Variants in CRYM observed in about 807,000 individuals in gnomAD.
CRYM encodes crystallin mu.
A neutral mutation model predicts 32.9 loss-of-function variants in CRYM; 18 were observed. The ratio of observed to expected loss-of-function variants is 0.55; its 90% CI spans 0.38 to 0.81. The LOEUF is 0.81. Ranked by LOEUF, CRYM falls within the 30% of genes least tolerant of loss-of-function variation. The pLI, the probability that CRYM is intolerant of heterozygous loss-of-function variation, is 0.00. For missense variants in CRYM, 337 were observed against 393.5 expected (o/e 0.86, Z 1.21); for synonymous variants, 153 against 152.4 (o/e 1.00, Z -0.03).
intron 5 of CRYM, among the ~76,000 whole-genome samples, chr16:21,267,029 T>C (rs563058713): frequency 6.6e-6 from 1 of 152,044 alleles, no homozygotes; most frequent in African/African-American, 2.4e-5. Context: ...AAAACTTACA[T>C]TTTATAGAAC....
At chr16:21,285,825 C>T (rs897359619) in intron 1 of CRYM, among the ~76,000 whole-genome samples, 22 of 151,728 alleles carry the variant, frequency 1.4e-4, no homozygotes, top group African/African-American at 5.1e-4. Context: ...ATGAATAGCT[C>T]AAAAGAAAAA....
upstream of CRYM, among the ~76,000 whole-genome samples, chr16:21,279,453 A>G (rs1450599579): frequency 6.6e-6 from 1 of 152,204 alleles, no homozygotes; most frequent in Non-Finnish European, 1.5e-5. Flanking sequence ...CCTGAGGTGG[A>G]AGGCATGTTG....
Position 21,261,249 on chromosome 16 carries a change from C to T in CRYM, c.880+5G>A. On this transcript the variant is annotated splice_donor_5th_base_variant and intron_variant, in intron 7 of 7. Coordinates refer to ENST00000572914, the MANE Select transcript of CRYM (RefSeq NM_001376256.1). ...GATTTGTGCCCAGGGAGCAATGGATCTTACCCAAAGACTTGAACACGGTGG... is the reference window on the plus strand; with the variant it reads ...GATTTGTGCCCAGGGAGCAATGGATTTTACCCAAAGACTTGAACACGGTGG... 1 of 1,612,232 alleles carries T rather than the reference C, an allele frequency of 6.2e-7. No homozygotes were observed. Among genetic ancestry groups the T allele is most frequent in the South Asian group, 1.1e-5 (1 of 91,026 alleles).
intron 1 of CRYM, chr16:21,283,809 C>G (rs1041940442): frequency 2.0e-5 from 3 of 152,484 alleles, no homozygotes; most frequent in African/African-American, 7.2e-5. Context: ...CGGTTCCCCA[C>G]CTCCTGGTGT....
chr16:21,261,884 G>C lies in CRYM; in HGVS notation c.795+153C>G, dbSNP rs2093355157. The C allele has an allele frequency of 5.6e-5, 46 of 825,938 alleles. No individual in the cohort carries two copies. The South Asian group carries it at 7.3e-4, about 13-fold the overall frequency. The allele number at this position is 825,938 out of a possible 1,614,324, so 51.2% of individuals were successfully genotyped here. On this transcript the variant is annotated intron_variant, in intron 6 of 7. Coordinates refer to ENST00000572914, the MANE Select transcript of CRYM (RefSeq NM_001376256.1). ...TATTTTTCTGGAATGGAATTAAAGAGGGTTGCAAAATGTTTAGGAGCTCCT... is the reference window on the plus strand; with the variant it reads ...TATTTTTCTGGAATGGAATTAAAGACGGTTGCAAAATGTTTAGGAGCTCCT...
Position 21,267,666 on chromosome 16 carries a change from G to C in CRYM, c.561C>G (p.Val187=), listed in dbSNP as rs377125837. The change falls in exon 5 of 8, where the codon GTC becomes GTG. Residue 187 remains valine, a synonymous_variant. Transcript: ENST00000572914. ...CCACAGCCTCCTGGACCGAAGAACA[G>C]ACCCGTACCTCTCCTTGCACTGTGT... ...FADTVQGEVR[V]CSSVQEAVAG... 3.9e-5 allele frequency: 63 copies of C among 1,614,084 alleles called. No individual in the cohort carries two copies. Among genetic ancestry groups the C allele is most frequent in the Non-Finnish European group, 5.3e-5 (62 of 1,180,040 alleles).
chr16:21,277,644 A>T lies in CRYM; in HGVS notation c.171-60T>A. 1 of 1,595,862 alleles carries T rather than the reference A, an allele frequency of 6.3e-7. No individual in the cohort carries two copies. The highest frequency in any genetic ancestry group is 1.3e-5 in the African/African-American group (1 of 74,706). On this transcript the variant is annotated intron_variant, in intron 1 of 7. Coordinates refer to ENST00000572914, the MANE Select transcript of CRYM (RefSeq NM_001376256.1). The surrounding 1 kb of genome is among the most constrained non-coding windows in gnomAD (Gnocchi z 4.2). Reference sequence around the variant, plus strand: ...CCATCAATGCTGGGGTCTCTTAGAAAGTATCCATATACTTTCCTTTTTCTT... The same window carrying T: ...CCATCAATGCTGGGGTCTCTTAGAATGTATCCATATACTTTCCTTTTTCTT...
intron 3 of CRYM, among the ~76,000 whole-genome samples, chr16:21,272,012 C>A (rs1172021411): frequency 1.3e-5 from 2 of 151,786 alleles, no homozygotes; most frequent in Admixed American, 1.3e-4. Context: ...GTATGTGCCA[C>A]CATACTTGGC....
chr16:21,264,821 T>C (rs919779013), intron 5 of CRYM, among the ~76,000 whole-genome samples: 11 of 152,156 alleles, frequency 7.2e-5, no homozygotes, highest in African/African-American at 2.7e-4. Flanking sequence ...TTGGGTCATC[T>C]CTGGGAGCTG....
intron 1 of CRYM, among the ~76,000 whole-genome samples, chr16:21,285,540 CA>C (rs2152864245): frequency 6.6e-6 from 1 of 152,328 alleles, no homozygotes; most frequent in African/African-American, 2.4e-5. Context: ...TTTTTATCAG[CA>C]CTATAAAATT....
chr16:21,259,753 A>G (rs2093350996), intron 7 of CRYM, among the ~76,000 whole-genome samples: 1 of 152,166 alleles, frequency 6.6e-6, no homozygotes, highest in Non-Finnish European at 1.5e-5. Context: ...GCATCCTTTG[A>G]TATCTCCCCT....
At chr16:21,299,221 G>A (rs1381839238) in intron 1 of CRYM, among the ~76,000 whole-genome samples, 2 of 152,068 alleles carry the variant, frequency 1.3e-5, no homozygotes, top group East Asian at 1.9e-4. Flanking sequence ...ACACACTGCC[G>A]GGAGGAAAAC....
In CRYM at chr16:21,287,754, A is replaced by ACAGAAGCTCTGTGTCC. The variant is rs1315595262; in HGVS notation, c.-192-8810_-192-8795dup. On this transcript the variant is annotated intron_variant, in intron 1 of 9. Coordinates refer to the CRYM transcript ENST00000219599. ...GGGAGGGTGGCACACTGGAGAGGGC[A>ACAGAAGCTCTGTGTCC]CAGAAGCTCTGTGTCCCATGCCCCT... Among the ~76,000 whole-genome samples the ACAGAAGCTCTGTGTCC allele has an allele frequency of 2.6e-5, 4 of 152,360 alleles. No homozygotes were observed. In the East Asian group the frequency reaches 5.8e-4, roughly 22 times the overall value.
At chr16:21,278,535 T>C, upstream of CRYM, 1 of 539,430 alleles carries the variant, frequency 1.9e-6, no homozygotes, top group Non-Finnish European at 3.4e-6. Flanking sequence ...ACTTTCTCAG[T>C]TCCTGTAATC....
rs572690282 is a variant in CRYM at position 21,261,470 on chromosome 16, A to T, written c.796-132T>A. The T allele has an allele frequency of 3.8e-4, 272 of 710,044 alleles. 1 individual carries two copies. The South Asian group carries it at 4.4e-3, about 11-fold the overall frequency. 44.0% of individuals were successfully genotyped at this position (710,044 alleles called of 1,614,324 possible). A position where few individuals can be genotyped will look rare whatever the true frequency, so the allele number is the denominator to read the frequency against. On this transcript the variant is annotated intron_variant, in intron 6 of 7. Transcript: ENST00000572914. ...ATTAAAAAAAAAAAAAAAAAGAGAG[A>T]GATCCTTTGTACACTGAATGATATT...
At chr16:21,284,097 C>G (rs867497564) in intron 1 of CRYM, 2 of 151,920 alleles carry the variant, frequency 1.3e-5, no homozygotes, top group Admixed American at 1.3e-4. Flanking sequence ...GCGCGCGCCT[C>G]TAACAAATGA....
At chr16:21,267,823 G>T in intron 4 of CRYM, 86 bp from the exon 5 acceptor site, 1 of 1,328,928 alleles carries the variant, frequency 7.5e-7, no homozygotes, top group Non-Finnish European at 1.1e-6. Flanking sequence ...AGGGAAAGTT[G>T]AACTACTCTG....
Position 21,258,820 on chromosome 16 carries a change from T to G in CRYM, c.906A>C (p.Ala302=), listed in dbSNP as rs756206837. Residue 302 remains alanine, a synonymous_variant, in exon 8 of 8, where the codon GCA becomes GCC. Transcript: ENST00000572914. ...SLGMAVEDTV[A]AKLIYDSWSS... ...ACCAGGAATCATAGATGAGTTTGGC[T>G]GCAACTGTGTCTTCCACTGCCATTC... 1.2e-6 allele frequency: 2 copies of G among 1,614,076 alleles called. No individual in the cohort carries two copies. Among genetic ancestry groups the G allele is most frequent in the African/African-American group, 2.7e-5 (2 of 74,946 alleles).
At chr16:21,292,160 G>A (rs1960673184) in intron 1 of CRYM, among the ~76,000 whole-genome samples, 1 of 151,950 alleles carries the variant, frequency 6.6e-6, no homozygotes, top group African/African-American at 2.4e-5. Flanking sequence ...TAATCAAACT[G>A]TGAATTATTC....
Sources: gnomAD v4.1 joint callset for allele counts (sites outside exome capture counted in the v4.1 genomes callset) on GRCh38, gnomAD v4.1.1 for gene constraint, Gnocchi (gnomAD v3.1) non-coding constraint, MANE v1.5 for transcripts, NCBI Gene and HGNC (gene_info 2026-07-23, HGNC 2026-07-21) for gene names.